MAGI3: variants seen among roughly 807,000 people sequenced by gnomAD.
MAGI3 encodes membrane-associated guanylate kinase, WW and PDZ domain-containing protein 3.
Under a neutral mutation model 121.8 loss-of-function variants are expected in MAGI3, and 43 were observed. The observed-to-expected ratio is 0.35, with a 90% CI of 0.28 to 0.46. MAGI3 has a LOEUF of 0.46. Among genes scored for constraint, MAGI3 ranks in the 20% least tolerant of loss-of-function variants. The pLI is 1.00. For synonymous variants in MAGI3, 553 were observed against 639.3 expected (o/e 0.86, Z 2.04); for missense variants, 1,547 against 1,797.3 (o/e 0.86, Z 2.52).
chr1:113,621,841 A>G (rs137938089), intron 8 of MAGI3, among the ~76,000 whole-genome samples: 2 of 152,066 alleles, frequency 1.3e-5, no homozygotes, highest in East Asian at 3.9e-4. Context: ...AGTGAAAGAA[A>G]CCATTCAAAA....
chr1:113,397,035 C>CT (rs1651150498), intron 1 of MAGI3, among the ~76,000 whole-genome samples: 2 of 152,128 alleles, frequency 1.3e-5, no homozygotes, highest in Non-Finnish European at 2.9e-5. Flanking sequence ...ATAAGCAAAA[C>CT]TGTCTTTTCA....
intron 9 of MAGI3, among the ~76,000 whole-genome samples, chr1:113,629,725 TCTCC>T (rs1269476090): frequency 1.8e-5 from 2 of 112,714 alleles, no homozygotes; most frequent in African/African-American, 3.2e-5. Flanking sequence ...ACAAAGTCAG[TCTCC>T]CTCTCTCTCT....
intron 2 of MAGI3, among the ~76,000 whole-genome samples, chr1:113,567,517 A>G (rs1660482551): frequency 6.6e-6 from 1 of 152,130 alleles, no homozygotes; most frequent in Admixed American, 6.6e-5. Context: ...AAAATTCTAA[A>G]GAAAATACTA....
At chr1:113,593,620 T>C (rs1246537562) in intron 5 of MAGI3, among the ~76,000 whole-genome samples, 1 of 152,226 alleles carries the variant, frequency 6.6e-6, no homozygotes, top group East Asian at 1.9e-4. Flanking sequence ...CCATGACTTT[T>C]TCTTTCTTTA....
intron 16 of MAGI3, among the ~76,000 whole-genome samples, chr1:113,660,033 C>T (rs1047205494): frequency 1.3e-5 from 2 of 152,148 alleles, no homozygotes; most frequent in East Asian, 3.9e-4. Context: ...TCCATTTTCT[C>T]CCATGACCCT....
At chr1:113,578,227 T>C (rs972776670) in intron 2 of MAGI3, among the ~76,000 whole-genome samples, 2 of 152,108 alleles carry the variant, frequency 1.3e-5, no homozygotes, top group African/African-American at 4.8e-5. Context: ...AATATGGAAG[T>C]CTAGATCCCT....
intron 1 of MAGI3, among the ~76,000 whole-genome samples, chr1:113,472,901 C>A (rs1438603528): frequency 1.3e-5 from 2 of 152,144 alleles, no homozygotes; most frequent in Non-Finnish European, 2.9e-5. Flanking sequence ...CAGTTTACAT[C>A]TTTTGTATTG....
At chr1:113,396,287 T>TTTG (rs1553180547) in intron 1 of MAGI3, among the ~76,000 whole-genome samples, 12 of 146,878 alleles carry the variant, frequency 8.2e-5, no homozygotes, top group Admixed American at 1.4e-4. Context: ...AATGTCAGGG[T>TTTG]TGTGTGTGTG....
chr1:113,524,694 G>A (rs1008725346), intron 1 of MAGI3, among the ~76,000 whole-genome samples: 1 of 152,150 alleles, frequency 6.6e-6, no homozygotes, highest in Non-Finnish European at 1.5e-5. Flanking sequence ...TAGGCAGAAG[G>A]GACTTGCCTT....
chr1:113,479,633 A>AT (rs1183505610), intron 1 of MAGI3, among the ~76,000 whole-genome samples: 1 of 151,846 alleles, frequency 6.6e-6, no homozygotes, highest in East Asian at 1.9e-4. Context: ...TTGGATGTTC[A>AT]TTTTTTTCTT....
At chr1:113,549,414 C>G (rs933968749) in intron 1 of MAGI3, 101 bp from the exon 2 acceptor site, 3 of 579,708 alleles carry the variant, frequency 5.2e-6, no homozygotes, top group Non-Finnish European at 9.1e-6. Context: ...CTGTTTATAG[C>G]TAACTGGTTT....
intron 1 of MAGI3, among the ~76,000 whole-genome samples, chr1:113,430,388 G>T (rs1402042606): frequency 1.3e-5 from 2 of 152,162 alleles, no homozygotes; most frequent in Admixed American, 6.5e-5. Context: ...TAGTTCATGA[G>T]TGAGGCCCTC....
chr1:113,520,174 A>G (rs190340485), intron 1 of MAGI3, among the ~76,000 whole-genome samples: 325 of 148,456 alleles, frequency 2.2e-3, no homozygotes, highest in Non-Finnish European at 4.1e-3. Flanking sequence ...AACAGATGCT[A>G]TTTTTTTTTT....
intron 1 of MAGI3, among the ~76,000 whole-genome samples, chr1:113,448,769 C>G (rs1293325686): frequency 1.3e-5 from 2 of 152,066 alleles, no homozygotes; most frequent in Non-Finnish European, 2.9e-5. Context: ...CAGGCATGAG[C>G]CACCATACCC....
chr1:113,526,058 G>A (rs1474054675), intron 1 of MAGI3, among the ~76,000 whole-genome samples: 1 of 151,994 alleles, frequency 6.6e-6, no homozygotes, highest in Non-Finnish European at 1.5e-5. Context: ...CAAAAGATTA[G>A]GTTTATAAAG....
intron 1 of MAGI3, among the ~76,000 whole-genome samples, chr1:113,542,772 C>A (rs1250444745): frequency 6.6e-6 from 1 of 152,146 alleles, no homozygotes; most frequent in African/African-American, 2.4e-5. Flanking sequence ...TGTGCACACA[C>A]ACAAACACAC....
chr1:113,444,634 G>C (rs1654080906), intron 1 of MAGI3, among the ~76,000 whole-genome samples: 1 of 152,186 alleles, frequency 6.6e-6, no homozygotes, highest in Admixed American at 6.5e-5. Flanking sequence ...CCTGAGGAAA[G>C]AGGAGAATCT....
At position 113,685,149 on chromosome 1, in the gene MAGI3, A is replaced by AACTT. The variant is rs1462039238; in HGVS notation, c.*1136_*1139dup. On this transcript the variant is annotated 3_prime_UTR_variant, in exon 21 of 21. Transcript: ENST00000307546. Reference sequence around the variant, plus strand: ...TATTTAACTTTTAGCTACATTAACTAACTTTCTTATTTAAAAACAAGAAAG... The same window carrying AACTT: ...TATTTAACTTTTAGCTACATTAACTAACTTACTTTCTTATTTAAAAACAAGAAAG... 2.0e-5 allele frequency: 3 copies of AACTT among 152,374 alleles called. No homozygotes were observed. Among genetic ancestry groups the AACTT allele is most frequent in the Non-Finnish European group, 4.4e-5 (3 of 68,036 alleles). The allele number at this position is 152,374 out of a possible 1,614,324, so 9.4% of individuals were successfully genotyped here. A position where few individuals can be genotyped will look rare whatever the true frequency, so the allele number is the denominator to read the frequency against.
chr1:113,570,287 A>G (rs1184336744), intron 2 of MAGI3, among the ~76,000 whole-genome samples: 2 of 152,054 alleles, frequency 1.3e-5, no homozygotes, highest in Non-Finnish European at 2.9e-5. Flanking sequence ...TATCCATTCT[A>G]TCATTGATGG....
Sources: allele counts gnomAD v4.1 joint callset (sites outside exome capture counted in the v4.1 genomes callset), GRCh38; gene constraint gnomAD v4.1.1; transcripts MANE v1.5; gene names NCBI Gene and HGNC (gene_info 2026-07-23, HGNC 2026-07-21).